TLK2: variants seen among roughly 807,000 people sequenced by gnomAD.
TLK2 encodes tousled like kinase 2, also known as serine/threonine-protein kinase tousled-like 2.
In TLK2, 6 loss-of-function variants were observed where a neutral mutation model predicts 117.3. The ratio of observed to expected loss-of-function variants is 0.05; its 90% confidence interval spans 0.03 to 0.10. The LOEUF (loss-of-function observed/expected upper bound fraction) is 0.10. Ranked by LOEUF, TLK2 falls within the 10% of genes least tolerant of loss-of-function variation. The pLI, the probability that TLK2 is intolerant of heterozygous loss-of-function variation, is 1.00. For synonymous variants in TLK2, 257 were observed against 316.7 expected, an observed-to-expected ratio of 0.81 and a Z score of 2.00; for missense variants, 299 against 901.2, an observed-to-expected ratio of 0.33 and a Z score of 8.56.
At chr17:62,567,070 A>G (rs1171773668) in intron 11 of TLK2, among the ~76,000 whole-genome samples, 3 of 152,152 alleles carry the variant, frequency 2.0e-5, no homozygotes, top group Non-Finnish European at 4.4e-5. Flanking sequence ...TCTACAAAAT[A>G]TACAAAAATT....
At chr17:62,598,346 G>A (rs780620853) in intron 17 of TLK2, among the ~76,000 whole-genome samples, 2 of 152,166 alleles carry the variant, frequency 1.3e-5, no homozygotes, top group Non-Finnish European at 2.9e-5. Context: ...TTTAACTAAT[G>A]TGAGAAATTG....
intron 7 of TLK2, among the ~76,000 whole-genome samples, chr17:62,537,158 A>C (rs1386260611): frequency 2.6e-5 from 4 of 152,118 alleles, no homozygotes; most frequent in African/African-American, 9.7e-5. Flanking sequence ...TTATAATTTA[A>C]GTTTCCTGTT....
chr17:62,601,134 C>T (rs1029083787), intron 18 of TLK2, among the ~76,000 whole-genome samples: 3 of 152,198 alleles, frequency 2.0e-5, no homozygotes, highest in African/African-American at 7.2e-5. Context: ...ACTCCTACTA[C>T]ATAACAGTCC....
intron 15 of TLK2, chr17:62,585,684 A>G (rs2081562949): frequency 6.5e-6 from 1 of 153,112 alleles, no homozygotes; most frequent in African/African-American, 2.4e-5. Flanking sequence ...AATCATACCA[A>G]AGAAGTATAT....
intron 6 of TLK2, among the ~76,000 whole-genome samples, chr17:62,525,453 T>C (rs2076309309): frequency 1.6e-5 from 1 of 61,738 alleles, no homozygotes; most frequent in Admixed American, 1.9e-4. Context: ...TATATGTAAT[T>C]TTTTTTTTTT....
At chr17:62,545,127 A>G (rs955237998) in intron 7 of TLK2, among the ~76,000 whole-genome samples, 1 of 152,026 alleles carries the variant, frequency 6.6e-6, no homozygotes, top group African/African-American at 2.4e-5. Context: ...CCCGGGTTCA[A>G]GCGATTCTCC....
At chr17:62,493,938 A>G (rs943486293) in intron 2 of TLK2, among the ~76,000 whole-genome samples, 1 of 152,054 alleles carries the variant, frequency 6.6e-6, no homozygotes, top group African/African-American at 2.4e-5. Context: ...TTGTATTTTT[A>G]GTAGAGACGG....
intron 6 of TLK2, among the ~76,000 whole-genome samples, chr17:62,529,986 C>G (rs1203731335): frequency 6.6e-6 from 1 of 151,874 alleles, no homozygotes; most frequent in East Asian, 1.9e-4. Context: ...GAGGATTACT[C>G]GAGCTCAGGA....
intron 20 of TLK2, among the ~76,000 whole-genome samples, chr17:62,607,519 A>T (rs1163722330): frequency 6.6e-6 from 1 of 150,782 alleles, no homozygotes; most frequent in African/African-American, 2.4e-5. Flanking sequence ...ACAGAGCGAG[A>T]CTCCATCTCA....
rs1279646462 is a variant in TLK2 at position 62,508,655 on chromosome 17, GACGAAA to G, written c.82-12117_82-12112del. 3 of 785,304 alleles carry G rather than the reference GACGAAA, an allele frequency of 3.8e-6. No individual in the cohort carries two copies. In the East Asian group the frequency reaches 3.8e-4, roughly 99 times the overall value. 48.6% of individuals were successfully genotyped at this position (785,304 alleles called of 1,614,324 possible). On this transcript the variant is annotated intron_variant, in intron 2 of 21. Coordinates refer to ENST00000346027, the MANE Select transcript of TLK2 (RefSeq NM_006852.6). ...TTCAAAGATACTAGGAATTAATACT[GACGAAA>G]TAAGACATAAAAATCAGAATAGGGG... is the stretch of plus-strand genomic sequence containing the variant.
intron 16 of TLK2, among the ~76,000 whole-genome samples, chr17:62,595,919 A>G (rs2082445663): frequency 6.6e-6 from 1 of 152,120 alleles, no homozygotes; most frequent in Non-Finnish European, 1.5e-5. Flanking sequence ...ATGATGTATC[A>G]GCTTTAGAGG....
At chr17:62,568,431 CAAAAA>C (rs57725124) in intron 11 of TLK2, among the ~76,000 whole-genome samples, 1 of 57,374 alleles carries the variant, frequency 1.7e-5, no homozygotes, top group Non-Finnish European at 3.7e-5. Flanking sequence ...GACCCTGTCT[CAAAAA>C]AAAAAAAAAA....
chr17:62,582,135 T>G (rs1169468880), intron 15 of TLK2, among the ~76,000 whole-genome samples: 4 of 152,214 alleles, frequency 2.6e-5, no homozygotes, highest in African/African-American at 4.8e-5. Flanking sequence ...TGGAAAACAT[T>G]TGGCTGTGTT....
intron 2 of TLK2, among the ~76,000 whole-genome samples, chr17:62,485,963 G>A (rs1015031846): frequency 3.3e-5 from 5 of 150,594 alleles, no homozygotes; most frequent in African/African-American, 1.2e-4. Flanking sequence ...TGGGACTGCA[G>A]GTGCCTGCCA....
chr17:62,513,552 T>C (rs1237610995), intron 2 of TLK2, among the ~76,000 whole-genome samples: 1 of 152,110 alleles, frequency 6.6e-6, no homozygotes, highest in Non-Finnish European at 1.5e-5. Flanking sequence ...CTCAAACTCC[T>C]GGGCTCAAGT....
chr17:62,608,285 G>A (rs2083460946), intron 21 of TLK2, 137 bp downstream of exon 21: 2 of 688,044 alleles, frequency 2.9e-6, no homozygotes, highest in Admixed American at 3.0e-5. Context: ...ATGAATTAAT[G>A]TTCCTAAGAA....
Position 62,576,713 on chromosome 17 carries a change from A to C in TLK2, c.1126A>C (p.Thr376Pro). 1 of 1,613,066 alleles carries C rather than the reference A, an allele frequency of 6.2e-7. No individual in the cohort carries two copies. The highest frequency in any genetic ancestry group is 1.1e-5 in the South Asian group (1 of 91,014). ...KTNGAENETLTLAEYHEQEEI... is the reference protein window; with the variant it reads ...KTNGAENETLPLAEYHEQEEI... ...ACTTTTACCACTGTTTTTCAGGTTA[A>C]CGTTAGCAGAATACCATGAACAAGA... Residue 376 changes from threonine (T) to proline (P), a missense_variant, in exon 13 of 22, where the codon ACG becomes CCG. Physicochemically the swap from Thr to Pro is conservative, Grantham distance 38. This residue lies in a region of TLK2 where 94 missense variants were observed against 282.6 expected (regional missense o/e 0.33). Transcript: ENST00000346027.
chr17:62,477,287 AC>A (rs915365232), upstream of TLK2, among the ~76,000 whole-genome samples: 12 of 151,080 alleles, frequency 7.9e-5, no homozygotes, highest in Non-Finnish European at 1.3e-4. Context: ...CCTACCCTCT[AC>A]CCCCAACCCG....
At chr17:62,489,759 T>G (rs1422199925) in intron 2 of TLK2, among the ~76,000 whole-genome samples, 1 of 152,244 alleles carries the variant, frequency 6.6e-6, no homozygotes, top group East Asian at 1.9e-4. Context: ...ATTAGTGTCT[T>G]TGTTACAATT....
Sources: gnomAD v4.1 joint callset for allele counts (sites outside exome capture counted in the v4.1 genomes callset) on GRCh38, gnomAD v4.1.1 for gene constraint, gnomAD v4.1.1 regional missense constraint, MANE v1.5 for transcripts, NCBI Gene and HGNC (gene_info 2026-07-23, HGNC 2026-07-21) for gene names.